FARP2: variants seen among roughly 807,000 people sequenced by gnomAD.
FARP2 encodes FERM, ARH/RhoGEF and pleckstrin domain protein 2.
Under a neutral mutation model 130.5 loss-of-function variants are expected in FARP2, and 111 were observed. The ratio of observed to expected loss-of-function variants is 0.85; its 90% CI spans 0.73 to 1.00. The LOEUF (loss-of-function observed/expected upper bound fraction) is 1.00, where lower values mean the gene tolerates loss of function less well. FARP2 is among the 50% of genes least tolerant of loss of function. The pLI is 0.00. For missense variants in FARP2, 1,385 were observed against 1,346.3 expected, an observed-to-expected ratio of 1.03 and a Z score of -0.45; for synonymous variants, 504 against 516.9, an observed-to-expected ratio of 0.98 and a Z score of 0.34.
chr2:241,445,224 G>A (rs2063484918), intron 13 of FARP2: 1 of 133,854 alleles, frequency 7.5e-6, no homozygotes, highest in South Asian at 2.4e-4. Flanking sequence ...GAGCCTGGGT[G>A]CTAGAGCGAG....
chr2:241,433,133 A>G (rs1429932547), intron 9 of FARP2, among the ~76,000 whole-genome samples: 1 of 152,114 alleles, frequency 6.6e-6, no homozygotes, highest in East Asian at 1.9e-4. Flanking sequence ...TGTAAGTAAA[A>G]AAAAAAAAAG....
chr2:241,473,002 G>C (rs1020973017), intron 18 of FARP2, among the ~76,000 whole-genome samples: 6 of 149,666 alleles, frequency 4.0e-5, no homozygotes, highest in African/African-American at 1.5e-4. Context: ...TTCTGAGGGG[G>C]CTGCTGCTCT....
intron 14 of FARP2, among the ~76,000 whole-genome samples, chr2:241,458,780 A>G (rs1314057720): frequency 1.3e-5 from 2 of 152,192 alleles, no homozygotes; most frequent in African/African-American, 4.8e-5. Flanking sequence ...AGATGGTTCT[A>G]TAGGATGACA....
At chr2:241,493,614 A>AGAT (rs1370727392) in intron 26 of FARP2, 170 bp downstream of exon 26, 4 of 575,714 alleles carry the variant, frequency 6.9e-6, no homozygotes, top group African/African-American at 6.0e-5. Flanking sequence ...TTTTTTTTGG[A>AGAT]GATGGCGTCT....
chr2:241,438,183 A>G (rs1044881317), intron 12 of FARP2, among the ~76,000 whole-genome samples: 1 of 152,162 alleles, frequency 6.6e-6, no homozygotes, highest in African/African-American at 2.4e-5. Context: ...TTATCTCTGT[A>G]CAGTGTCAAT....
chr2:241,422,594 G>A (rs898528389), intron 8 of FARP2, among the ~76,000 whole-genome samples: 39 of 152,208 alleles, frequency 2.6e-4, no homozygotes, highest in African/African-American at 8.7e-4. Flanking sequence ...CTCTGGCAAG[G>A]GCATAGAAAT....
intron 12 of FARP2, among the ~76,000 whole-genome samples, chr2:241,437,479 T>G (rs192804225): frequency 6.6e-6 from 1 of 152,110 alleles, no homozygotes; most frequent in Non-Finnish European, 1.5e-5. Flanking sequence ...TTTGTTTTGT[T>G]TTACCAGAGA....
intron 2 of FARP2, among the ~76,000 whole-genome samples, chr2:241,374,035 G>A (rs2061481855): frequency 6.7e-6 from 1 of 149,412 alleles, no homozygotes; most frequent in South Asian, 2.1e-4. Flanking sequence ...TTTTGAGAAA[G>A]GGTGTTGTTC....
chr2:241,404,323 C>G (rs1445151908), intron 3 of FARP2, among the ~76,000 whole-genome samples: 1 of 152,124 alleles, frequency 6.6e-6, no homozygotes, highest in Non-Finnish European at 1.5e-5. Context: ...ATACATCAAC[C>G]CTTTAGTTCA....
Position 241,402,853 on chromosome 2 carries a change from T to TATATATATAC in FARP2, c.184-966_184-965insCATATATATA, listed in dbSNP as rs1203524557. Among the ~76,000 whole-genome samples the TATATATATAC allele has an allele frequency of 1.0e-3, 11 of 10,554 alleles. 1 individual carries two copies. The East Asian group carries it at 0.016, about 16-fold the overall frequency. The allele number at this position is 10,554 out of a possible 152,430, so 6.9% of individuals were successfully genotyped here. On this transcript the variant is annotated intron_variant, in intron 2 of 26. Transcript: ENST00000264042. Reference sequence around the variant, plus strand: ...CAGCTAATTTATATATATATATATATATATATATATATATATATATATATA... The same window carrying TATATATATAC: ...CAGCTAATTTATATATATATATATATATATATATACATATATATATATATATATATATATA...
In FARP2 at chr2:241,422,086, A is replaced by G. The variant is rs1270836181; in HGVS notation, c.771+3977A>G. On this transcript the variant is annotated intron_variant, in intron 8 of 26. Coordinates refer to ENST00000264042, the MANE Select transcript of FARP2 (RefSeq NM_014808.4). ...TTGAACACGGGGAGGCAGAGGTTGC[A>G]GTGAGCTGAGATCACACCACTGCAC... is the stretch of plus-strand genomic sequence containing the variant. Among the ~76,000 whole-genome samples the G allele has an allele frequency of 7.2e-5, 11 of 151,984 alleles. No homozygotes were observed. In the East Asian group the frequency reaches 1.7e-3, roughly 24 times the overall value.
rs565168481 is a variant in FARP2, at chr2:241,475,962, T to C, written c.2237T>C (p.Ile746Thr). Residue 746 changes from isoleucine to threonine, a missense_variant, in exon 19 of 27, where the codon ATA becomes ACA. By Grantham distance (89) the Ile-to-Thr change is moderately conservative (BLOSUM62 -1). Coordinates refer to ENST00000264042, the MANE Select transcript of FARP2 (RefSeq NM_014808.4). The surrounding 1 kb of genome is among the most constrained non-coding windows in gnomAD (Gnocchi z 4.4). Reference sequence around the variant, plus strand: ...GAGCTGCAGCGGGACCTGGTGGGCATAGAGAACCTCATTGCTCCTGGCAGG... The same window carrying C: ...GAGCTGCAGCGGGACCTGGTGGGCACAGAGAACCTCATTGCTCCTGGCAGG... ...LTELQRDLVG[I>T]ENLIAPGREF... The C allele has an allele frequency of 1.9e-6, 3 of 1,613,868 alleles. No individual in the cohort carries two copies. The highest frequency in any genetic ancestry group is 3.3e-5 in the Admixed American group (2 of 59,984).
rs537657687 is a variant in FARP2 at position 241,373,740 on chromosome 2, G to A, written c.183+450G>A. On this transcript the variant is annotated intron_variant, in intron 2 of 26. Coordinates refer to ENST00000264042, the MANE Select transcript of FARP2 (RefSeq NM_014808.4). Reference sequence around the variant, plus strand: ...TCAGAGCTGCTGGTGAGAGGATTGAGCAAACACACAGAGCCTGTCATGCAG... The same window carrying A: ...TCAGAGCTGCTGGTGAGAGGATTGAACAAACACACAGAGCCTGTCATGCAG... 6.2e-4 allele frequency among the ~76,000 whole-genome samples: 95 copies of A among 152,204 alleles called. 1 individual carries two copies. The highest frequency in any genetic ancestry group is 1.1e-3 in the Non-Finnish European group (78 of 68,024).
intron 26 of FARP2, 181 bp from the exon 27 acceptor site, chr2:241,493,827 C>T: frequency 5.6e-6 from 3 of 533,740 alleles, no homozygotes; most frequent in Non-Finnish European, 1.0e-5. Context: ...GAACTCCTGA[C>T]CTCAAGTGAT....
At position 241,494,081 on chromosome 2, in the gene FARP2, C is replaced by A; in HGVS notation, c.3121C>A (p.Pro1041Thr). The stretch of plus-strand genomic sequence containing the variant: ...AAGCATCGTGCAGGATGGCCCCCAA[C>A]CCTCCTCAGGGCTGGAGGGGATGGT... Reference protein sequence around the residue: ...APSIVQDGPQPSSGLEGMVRG... With the variant: ...APSIVQDGPQTSSGLEGMVRG... Residue 1041 changes from proline (P) to threonine (T), a missense_variant, in exon 27 of 27, where the codon CCC becomes ACC. Pro to Thr is a conservative substitution (Grantham distance 38). Transcript: ENST00000264042. The surrounding 1 kb of genome is among the most constrained non-coding windows in gnomAD (Gnocchi z 4.9). 1 of 1,451,672 alleles carries A rather than the reference C, an allele frequency of 6.9e-7. No individual in the cohort carries two copies. The highest frequency in any genetic ancestry group is 9.0e-7 in the Non-Finnish European group (1 of 1,106,978). The allele number at this position is 1,451,672 out of a possible 1,614,324, so 89.9% of individuals were successfully genotyped here.
intron 18 of FARP2, among the ~76,000 whole-genome samples, chr2:241,468,973 G>A (rs1439483223): frequency 1.3e-5 from 2 of 152,184 alleles, no homozygotes; most frequent in Non-Finnish European, 2.9e-5. Context: ...GATGACTCAG[G>A]CATGAGGGGA....
chr2:241,475,439 C>T lies in FARP2; in HGVS notation c.2132-418C>T, dbSNP rs1559805403. Among the ~76,000 whole-genome samples the T allele has an allele frequency of 6.6e-6, 1 of 152,182 alleles. No homozygotes were observed. Among genetic ancestry groups the T allele is most frequent in the East Asian group, 1.9e-4 (1 of 5,200 alleles). ...GGAGGTGAGTGGCGGGCAAGTGAAGCTTCTCTGTATTTACAGCCACTCCCC... is the reference window on the plus strand; with the variant it reads ...GGAGGTGAGTGGCGGGCAAGTGAAGTTTCTCTGTATTTACAGCCACTCCCC... On this transcript the variant is annotated intron_variant, in intron 18 of 26. Transcript: ENST00000264042. The surrounding 1 kb of genome is among the most constrained non-coding windows in gnomAD (Gnocchi z 4.4).
intron 4 of FARP2, 53 bp downstream of exon 4, chr2:241,404,894 T>G (rs759979650): frequency 1.0e-4 from 144 of 1,386,466 alleles, no homozygotes; most frequent in Non-Finnish European, 1.4e-4. Flanking sequence ...TGTGTTGTCC[T>G]GGAATGTTTA....
At chr2:241,434,766 C>T (rs1343574822) in intron 10 of FARP2, among the ~76,000 whole-genome samples, 196 bp from the exon 11 acceptor site, 3 of 151,992 alleles carry the variant, frequency 2.0e-5, no homozygotes, top group East Asian at 3.9e-4. Context: ...GCATGAGAAT[C>T]GCTTAAACCC....
Sources: allele counts gnomAD v4.1 joint callset (sites outside exome capture counted in the v4.1 genomes callset), GRCh38; gene constraint gnomAD v4.1.1; non-coding constraint Gnocchi (gnomAD v3.1); transcripts MANE v1.5; gene names NCBI Gene and HGNC (gene_info 2026-07-23, HGNC 2026-07-21).